The following TBCD variants were observed in gnomAD, a reference collection of about 807,000 sequenced individuals.
TBCD encodes tubulin folding cofactor D, also known as tubulin-specific chaperone D.
Under a neutral mutation model 169.3 loss-of-function variants are expected in TBCD, and 105 were observed. The observed-to-expected ratio is 0.62, with a 90% CI of 0.53 to 0.73. TBCD has a LOEUF of 0.73. Among genes scored for constraint, TBCD ranks in the 30% least tolerant of loss-of-function variants. The pLI, the probability that TBCD is intolerant of heterozygous loss-of-function variation, is 0.00. For missense variants in TBCD, 1,444 were observed against 1,600.1 expected (o/e 0.90, Z 1.66); for synonymous variants, 700 against 643.9 (o/e 1.09, Z -1.32).
chr17:82,929,086 G>C, intron 30 of TBCD, 27 bp from the exon 31 acceptor site: 1 of 1,596,934 alleles, frequency 6.3e-7, no homozygotes, highest in Non-Finnish European at 8.5e-7. Context: ...GCCCGCCCTT[G>C]GTTTACCTCC....
At position 82,793,109 on chromosome 17, in the gene TBCD, A is replaced by G. The variant is rs528065805; in HGVS notation, c.772-4648A>G. On this transcript the variant is annotated intron_variant, in intron 7 of 38. Transcript: ENST00000355528. Reference sequence around the variant, plus strand: ...TATTTGTTTTCTTAAAATTCTTTATAATTTGTCAGAAATTTATTTTGTCAG... The same window carrying G: ...TATTTGTTTTCTTAAAATTCTTTATGATTTGTCAGAAATTTATTTTGTCAG... Among the ~76,000 whole-genome samples the G allele has an allele frequency of 3.3e-5, 5 of 152,270 alleles. No individual in the cohort carries two copies. The South Asian group carries it at 1.0e-3, about 32-fold the overall frequency.
In TBCD at chr17:82,806,511, G is replaced by A. The variant is rs113520281; in HGVS notation, c.1087+500G>A. On this transcript the variant is annotated intron_variant, in intron 10 of 38. Coordinates refer to ENST00000355528, the MANE Select transcript of TBCD (RefSeq NM_005993.5). This position sits in a 1 kb window ranked among gnomAD's most constrained non-coding sequence, Gnocchi z 5.1. ...AGCCATCAGCGGAGCCCCTCATGGCGGCCATCCTGGGCTCCTGTCCACACA... is the reference window on the plus strand; with the variant it reads ...AGCCATCAGCGGAGCCCCTCATGGCAGCCATCCTGGGCTCCTGTCCACACA... Among the ~76,000 whole-genome samples the A allele has an allele frequency of 0.022, 3,408 of 152,098 alleles. 55 individuals carry two copies. Among genetic ancestry groups the A allele is most frequent in the Middle Eastern group, 0.045 (13 of 292 alleles).
intron 38 of TBCD, chr17:82,942,048 T>C: frequency 6.2e-6 from 2 of 323,558 alleles, no homozygotes; most frequent in East Asian, 7.7e-5. Context: ...AGGAGAACCA[T>C]GTCTAGATAC....
chr17:82,778,604 G>A (rs989494979), intron 6 of TBCD, among the ~76,000 whole-genome samples: 3 of 150,286 alleles, frequency 2.0e-5, no homozygotes, highest in African/African-American at 4.9e-5. Flanking sequence ...GACTGCAGGC[G>A]CATGCCACGA....
At chr17:82,907,221 C>G (rs1369019710) in intron 20 of TBCD, among the ~76,000 whole-genome samples, 2 of 152,256 alleles carry the variant, frequency 1.3e-5, no homozygotes, top group African/African-American at 4.8e-5. Flanking sequence ...CATGCCAGCC[C>G]AGGTCTGATC....
At chr17:82,900,819 C>A in intron 18 of TBCD, 88 bp downstream of exon 18, 1 of 968,706 alleles carries the variant, frequency 1.0e-6, no homozygotes, top group Admixed American at 2.0e-5. Context: ...AGTGTATTTT[C>A]TCACTGTGGA....
At chr17:82,895,669 G>A (rs1202961242) in intron 17 of TBCD, among the ~76,000 whole-genome samples, 1 of 152,142 alleles carries the variant, frequency 6.6e-6, no homozygotes, top group African/African-American at 2.4e-5. Context: ...CATTACAGAG[G>A]GTCTCAGAGC....
intron 34 of TBCD, among the ~76,000 whole-genome samples, chr17:82,936,398 C>T (rs73368939): frequency 0.043 from 6,497 of 152,280 alleles, 185 homozygotes; most frequent in South Asian, 0.094. Context: ...CTTCCGTGCC[C>T]GGTGTTCATC....
At chr17:82,908,376 G>A (rs778271059) in intron 21 of TBCD, 1 of 456,488 alleles carries the variant, frequency 2.2e-6, no homozygotes, top group Non-Finnish European at 4.4e-6. Context: ...ATTTCTCTGG[G>A]GAGACAGTGT....
intron 14 of TBCD, chr17:82,877,082 C>T: frequency 1.4e-6 from 1 of 722,446 alleles, no homozygotes; most frequent in Non-Finnish European, 1.7e-6. Flanking sequence ...ACAAATAACA[C>T]ATTTCAAGAA....
Position 82,768,841 on chromosome 17 carries a change from G to C in TBCD, c.582+275G>C, listed in dbSNP as rs1012796878. On this transcript the variant is annotated intron_variant, in intron 5 of 38. Transcript: ENST00000355528. Reference sequence around the variant, plus strand: ...GGAAGGGTTTAGTGGCATGGTGAGAGAGAATAAGGACCCATTTTACATTTA... The same window carrying C: ...GGAAGGGTTTAGTGGCATGGTGAGACAGAATAAGGACCCATTTTACATTTA... 2.0e-5 allele frequency among the ~76,000 whole-genome samples: 3 copies of C among 152,280 alleles called. No homozygotes were observed. The East Asian group carries it at 5.8e-4, about 29-fold the overall frequency.
intron 13 of TBCD, among the ~76,000 whole-genome samples, chr17:82,844,833 G>A (rs1317887043): frequency 2.6e-5 from 4 of 152,198 alleles, no homozygotes; most frequent in Middle Eastern, 3.2e-3. Context: ...TGTTTCTTGC[G>A]TGTTGATGGT....
chr17:82,894,903 G>T (rs1599309541), intron 17 of TBCD, among the ~76,000 whole-genome samples: 2 of 152,166 alleles, frequency 1.3e-5, no homozygotes, highest in African/African-American at 4.8e-5. Flanking sequence ...CTTGAGCCCG[G>T]GAAGCGGAGG....
chr17:82,785,729 C>T lies in TBCD; in HGVS notation c.771+4008C>T, dbSNP rs2677915. 5.8e-3 allele frequency among the ~76,000 whole-genome samples: 795 copies of T among 137,700 alleles called. 8 individuals are homozygous for T. Among genetic ancestry groups the T allele is most frequent in the Non-Finnish European group, 7.9e-3 (509 of 64,306 alleles). 90.3% of individuals were successfully genotyped at this position (137,700 alleles called of 152,430 possible). ...ATGTGTGACTGGGACCACTGGATCC[C>T]GTCCATCGCAGCGGGAGGGGGGTCC... On this transcript the variant is annotated intron_variant, in intron 7 of 38. Transcript: ENST00000355528.
At chr17:82,898,422 C>G (rs1377823258) in intron 17 of TBCD, among the ~76,000 whole-genome samples, 1 of 152,204 alleles carries the variant, frequency 6.6e-6, no homozygotes, top group Non-Finnish European at 1.5e-5. Context: ...TGCTGCAGAC[C>G]CTGGGGCTTG....
chr17:82,834,882 A>C lies in TBCD; in HGVS notation c.1318+19948A>C, dbSNP rs1292376132. The stretch of plus-strand genomic sequence containing the variant: ...GTGTCCTGGAACTTAAAGTATAATA[A>C]AAAAAAAATACATTAAAGTAAAGTT... On this transcript the variant is annotated intron_variant, in intron 13 of 38. Transcript: ENST00000355528. Among the ~76,000 whole-genome samples the C allele has an allele frequency of 2.0e-5, 3 of 149,516 alleles. No homozygotes were observed. In the East Asian group the frequency reaches 6.0e-4, roughly 30 times the overall value.
At chr17:82,847,380 GAAAC>G (rs1314429836) in intron 13 of TBCD, among the ~76,000 whole-genome samples, 12 of 113,794 alleles carry the variant, frequency 1.1e-4, no homozygotes, top group African/African-American at 3.3e-4. Context: ...AAAAAAAAAA[GAAAC>G]AACCCTGAGA....
chr17:82,752,831 T>C (rs1046908275), intron 1 of TBCD, among the ~76,000 whole-genome samples: 4 of 151,746 alleles, frequency 2.6e-5, no homozygotes, highest in Admixed American at 6.6e-5. Flanking sequence ...GACAGGGAGA[T>C]AGGGAATGAG....
At chr17:82,883,245 C>T (rs1054841979) in intron 14 of TBCD, among the ~76,000 whole-genome samples, 2 of 152,274 alleles carry the variant, frequency 1.3e-5, no homozygotes, top group Non-Finnish European at 2.9e-5. Flanking sequence ...GAGGCGCTGG[C>T]GGCCTTGGAG....
Sources: gnomAD v4.1 joint callset for allele counts (sites outside exome capture counted in the v4.1 genomes callset) on GRCh38, gnomAD v4.1.1 for gene constraint, Gnocchi (gnomAD v3.1) non-coding constraint, MANE v1.5 for transcripts, NCBI Gene and HGNC (gene_info 2026-07-23, HGNC 2026-07-21) for gene names.